Variants in SLCO1A2 observed in about 807,000 individuals in gnomAD.
SLCO1A2 encodes the protein OATP-1.
A neutral mutation model predicts 69.0 loss-of-function variants in SLCO1A2; 67 were observed. That is an observed-to-expected ratio of 0.97 (90% CI 0.80 to 1.19). The LOEUF (loss-of-function observed/expected upper bound fraction) is 1.19. SLCO1A2 is among the 50% of genes most tolerant of loss of function. SLCO1A2 has a pLI of 0.00. For synonymous variants in SLCO1A2, 260 were observed against 265.9 expected, an observed-to-expected ratio of 0.98 and a Z score of 0.22; for missense variants, 787 against 793.7, an observed-to-expected ratio of 0.99 and a Z score of 0.10.
intron 2 of SLCO1A2, among the ~76,000 whole-genome samples, chr12:21,359,291 A>G (rs1362514955): frequency 3.3e-5 from 5 of 152,212 alleles, no homozygotes; most frequent in African/African-American, 1.2e-4. Context: ...GTGGAAACCA[A>G]TCACCATAAA....
chr12:21,275,353 T>A lies in SLCO1A2; in HGVS notation c.1675+7A>T. On this transcript the variant is annotated splice_region_variant and intron_variant, in intron 13 of 14. Transcript: ENST00000683939. ...GATAGGATGTGGGAAAAAATAACTA[T>A]TTTTACCAAATACTCTTGTGCAAAA... The A allele has an allele frequency of 6.4e-7, 1 of 1,553,470 alleles. No homozygotes were observed. The highest frequency in any genetic ancestry group is 8.8e-7 in the Non-Finnish European group (1 of 1,138,842).
At chr12:21,400,647 A>T (rs1941661855) in intron 1 of SLCO1A2, among the ~76,000 whole-genome samples, 2 of 150,562 alleles carry the variant, frequency 1.3e-5, no homozygotes, top group Admixed American at 6.6e-5. Flanking sequence ...ACAATGATAG[A>T]CTGGATTAAG....
intron 2 of SLCO1A2, among the ~76,000 whole-genome samples, chr12:21,345,174 A>G (rs1479348219): frequency 6.6e-6 from 1 of 151,984 alleles, no homozygotes; most frequent in Non-Finnish European, 1.5e-5. Context: ...GTAAAATTGC[A>G]GATTTTTTTT....
intron 14 of SLCO1A2, among the ~76,000 whole-genome samples, chr12:21,273,001 C>G (rs570354575): frequency 1.7e-4 from 26 of 152,128 alleles, no homozygotes; most frequent in Non-Finnish European, 3.4e-4. Context: ...ACAGAAGATA[C>G]AAGACTCATA....
chr12:21,277,199 C>T (rs893854953), intron 12 of SLCO1A2, among the ~76,000 whole-genome samples: 1 of 152,076 alleles, frequency 6.6e-6, no homozygotes, highest in Non-Finnish European at 1.5e-5. Context: ...TCTGTGATAC[C>T]AGCTCAGCCA....
At chr12:21,343,357 G>T (rs553001881) in intron 2 of SLCO1A2, among the ~76,000 whole-genome samples, 1 of 152,220 alleles carries the variant, frequency 6.6e-6, no homozygotes, top group African/African-American at 2.4e-5. Flanking sequence ...CTCATGGCAA[G>T]GTCTTGTACG....
chr12:21,334,134 C>T (rs4148981), intron 2 of SLCO1A2, among the ~76,000 whole-genome samples: 55,314 of 151,844 alleles, frequency 0.36, 10,649 homozygotes, highest in African/African-American at 0.49. Context: ...ATTTTTCTTA[C>T]AGGAAATTAT....
At chr12:21,362,787 C>T (rs1939028051) in intron 2 of SLCO1A2, among the ~76,000 whole-genome samples, 1 of 152,092 alleles carries the variant, frequency 6.6e-6, no homozygotes, top group Non-Finnish European at 1.5e-5. Flanking sequence ...CAATAAAGAT[C>T]AAAAGAGACA....
chr12:21,363,430 A>G (rs1007414902), intron 2 of SLCO1A2, among the ~76,000 whole-genome samples: 6 of 152,236 alleles, frequency 3.9e-5, no homozygotes, highest in African/African-American at 1.2e-4. Context: ...CTAAATGCCC[A>G]CAAGACAAAG....
intron 12 of SLCO1A2, among the ~76,000 whole-genome samples, chr12:21,288,327 G>A (rs1380278054): frequency 3.3e-5 from 5 of 151,960 alleles, no homozygotes; most frequent in Admixed American, 6.6e-5. Context: ...TGTAGTCCCC[G>A]CTACTCAGGA....
chr12:21,299,863 T>C (rs978200201), intron 8 of SLCO1A2, among the ~76,000 whole-genome samples: 2 of 124,190 alleles, frequency 1.6e-5, no homozygotes, highest in Admixed American at 9.2e-5. Flanking sequence ...TGTATATATA[T>C]ATACGTGTGT....
At chr12:21,312,048 AGAG>A (rs1040179452) in intron 4 of SLCO1A2, among the ~76,000 whole-genome samples, 14 of 144,156 alleles carry the variant, frequency 9.7e-5, no homozygotes, top group Middle Eastern at 3.5e-3. Flanking sequence ...AGGAAGAAGA[AGAG>A]GAGGAGAAGA....
intron 14 of SLCO1A2, among the ~76,000 whole-genome samples, chr12:21,272,162 C>G (rs1308910749): frequency 1.3e-5 from 2 of 151,254 alleles, no homozygotes; most frequent in Admixed American, 6.6e-5. Context: ...TTTTTTTTAA[C>G]TTTTTAGTGG....
intron 2 of SLCO1A2, chr12:21,373,743 T>TG (rs1489739140): frequency 1.4e-6 from 1 of 700,790 alleles, no homozygotes; most frequent in Non-Finnish European, 2.6e-6. Flanking sequence ...GGTAGTAATT[T>TG]CTTCTATATT....
chr12:21,318,749 AC>A (rs766604166), intron 3 of SLCO1A2, 32 bp downstream of exon 3: 48 of 1,572,016 alleles, frequency 3.1e-5, no homozygotes, highest in Non-Finnish European at 3.9e-5. Flanking sequence ...AAGACAAAAT[AC>A]AAAAAGAAGA....
intron 5 of SLCO1A2, among the ~76,000 whole-genome samples, chr12:21,305,350 C>T (rs1165170677): frequency 6.6e-6 from 1 of 152,180 alleles, no homozygotes; most frequent in African/African-American, 2.4e-5. Context: ...TGTGGAGTCC[C>T]GTTTTCAGGG....
At chr12:21,410,401 T>C (rs1471686989) in intron 1 of SLCO1A2, among the ~76,000 whole-genome samples, 1 of 152,190 alleles carries the variant, frequency 6.6e-6, no homozygotes, top group Non-Finnish European at 1.5e-5. Flanking sequence ...TTCTCACTCA[T>C]TGCTATCATT....
At position 21,295,707 on chromosome 12, in the gene SLCO1A2, A is replaced by G. The variant is rs758601912; in HGVS notation, c.1161T>C (p.Ala387=). 3 of 1,608,866 alleles carry G rather than the reference A, an allele frequency of 1.9e-6. No individual in the cohort carries two copies. Among genetic ancestry groups the G allele is most frequent in the East Asian group, 4.5e-5 (2 of 44,730 alleles). The change falls in exon 10 of 15, where the codon GCT becomes GCC. Residue 387 remains alanine, a synonymous_variant. Coordinates refer to ENST00000683939, the MANE Select transcript of SLCO1A2 (RefSeq NM_001386879.1). ...MKKFKITVKQ[A]AHIGCWLSLL... ...AGGATAACCAACATCCTATGTGGGC[A>G]GCTTGTTTGACAGTAATCTTGAACT...
chr12:21,309,190 A>G (rs1949802174), intron 4 of SLCO1A2, among the ~76,000 whole-genome samples: 1 of 152,210 alleles, frequency 6.6e-6, no homozygotes, highest in Non-Finnish European at 1.5e-5. Flanking sequence ...GTAGGGATAA[A>G]AGATGAGAAA....
Sources: allele counts gnomAD v4.1 joint callset (sites outside exome capture counted in the v4.1 genomes callset), GRCh38; gene constraint gnomAD v4.1.1; transcripts MANE v1.5; gene names NCBI Gene and HGNC (gene_info 2026-07-23, HGNC 2026-07-21).